MAJIN: variants seen among roughly 807,000 people sequenced by gnomAD.
The protein encoded by MAJIN is membrane-anchored junction protein.
MAJIN carries 27 observed loss-of-function variants against 30.2 expected under a neutral mutation model. The ratio of observed to expected loss-of-function variants is 0.89; its 90% CI spans 0.66 to 1.23. The LOEUF (loss-of-function observed/expected upper bound fraction) is 1.23, where lower values mean the gene tolerates loss of function less well. MAJIN is among the 50% of genes most tolerant of loss of function. MAJIN has a pLI of 0.00. For synonymous variants in MAJIN, 78 were observed against 91.6 expected, an observed-to-expected ratio of 0.85 and a Z score of 0.85; for missense variants, 253 against 260.3, an observed-to-expected ratio of 0.97 and a Z score of 0.19.
intron 1 of MAJIN, among the ~76,000 whole-genome samples, chr11:64,965,314 G>C (rs928612638): frequency 6.6e-6 from 1 of 152,102 alleles, no homozygotes; most frequent in Non-Finnish European, 1.5e-5. Flanking sequence ...ACCTTGTTTG[G>C]GGGTAGGGGG....
intron 7 of MAJIN, 55 bp from the exon 8 acceptor site, chr11:64,947,520 C>G (rs1433870280): frequency 6.5e-7 from 1 of 1,536,202 alleles, no homozygotes; most frequent in African/African-American, 1.4e-5. Flanking sequence ...GCTCACAGTT[C>G]ATGAAGGCAC....
chr11:64,944,422 C>T (rs1484264608), intron 8 of MAJIN, among the ~76,000 whole-genome samples: 1 of 152,220 alleles, frequency 6.6e-6, no homozygotes, highest in Non-Finnish European at 1.5e-5. Flanking sequence ...ATCCCTGGTA[C>T]TTGGCACATA....
chr11:64,945,185 G>A lies in MAJIN; in HGVS notation c.473+2189C>T, dbSNP rs1042155269. On this transcript the variant is annotated intron_variant, in intron 8 of 10. Transcript: ENST00000301896. ...ATCCTGGCTAACACGGTGAAACCCC[G>A]TCTCTACTAAAAAATACAAAAAATT... Among the ~76,000 whole-genome samples, 11 of 152,018 alleles carry A rather than the reference G, an allele frequency of 7.2e-5. No homozygotes were observed. In the South Asian group the frequency reaches 1.9e-3, roughly 26 times the overall value.
At position 64,947,833 on chromosome 11, in the gene MAJIN, T is replaced by C; in HGVS notation, c.350-14A>G. On this transcript the variant is annotated splice_polypyrimidine_tract_variant and intron_variant, in intron 6 of 10. Transcript: ENST00000301896. Reference sequence around the variant, plus strand: ...TTATTGGTTTCCCTACAATAGGAAATTTGAGTGTCATAATAGATTTAAGAC... The same window carrying C: ...TTATTGGTTTCCCTACAATAGGAAACTTGAGTGTCATAATAGATTTAAGAC... The C allele has an allele frequency of 3.7e-6, 6 of 1,608,694 alleles. No homozygotes were observed. Among genetic ancestry groups the C allele is most frequent in the Non-Finnish European group, 3.4e-6 (4 of 1,175,564 alleles).
chr11:64,959,551 T>C, intron 2 of MAJIN, 129 bp from the exon 3 acceptor site: 1 of 645,172 alleles, frequency 1.5e-6, no homozygotes, highest in Non-Finnish European at 2.7e-6. Flanking sequence ...ACTGCCTACG[T>C]ACCAGGATCA....
At chr11:64,969,696 C>T (rs1565150846) in intron 1 of MAJIN, among the ~76,000 whole-genome samples, 1 of 145,318 alleles carries the variant, frequency 6.9e-6, no homozygotes, top group Non-Finnish European at 1.5e-5. Flanking sequence ...AAGACTCTGT[C>T]TTTTTTTTTT....
intron 3 of MAJIN, among the ~76,000 whole-genome samples, chr11:64,955,080 G>A (rs1481233938): frequency 6.6e-6 from 1 of 152,046 alleles, no homozygotes; most frequent in Non-Finnish European, 1.5e-5. Flanking sequence ...TGTGCTTTGG[G>A]GACCCTTTCA....
chr11:64,944,395 C>A (rs1945419763), intron 8 of MAJIN, among the ~76,000 whole-genome samples: 1 of 152,230 alleles, frequency 6.6e-6, no homozygotes, highest in Non-Finnish European at 1.5e-5. Context: ...GTCTGCCTAA[C>A]TGTACACTGT....
chr11:64,960,247 A>G (rs1233696113), intron 1 of MAJIN, 112 bp from the exon 2 acceptor site: 1 of 152,232 alleles, frequency 6.6e-6, no homozygotes, highest in African/African-American at 2.4e-5. Flanking sequence ...TATAAAAATT[A>G]CATGGTATTG....
Position 64,959,311 on chromosome 11 carries a change from C to G in MAJIN, c.95G>C (p.Ser32Thr), listed in dbSNP as rs747435219. 6.2e-7 allele frequency: 1 copy of G among 1,611,670 alleles called. No homozygotes were observed. The highest frequency in any genetic ancestry group is 1.1e-5 in the South Asian group (1 of 91,014). ...VYKFKIRYGK[S>T]IRGEEIENKE... ...CTCCTACCTTTGAAATTACCTGATACTCTTCCCATATCTGATTTTGAATTT... is the reference window on the plus strand; with the variant it reads ...CTCCTACCTTTGAAATTACCTGATAGTCTTCCCATATCTGATTTTGAATTT... The change falls in exon 3 of 11, where the codon AGT (serine) becomes ACT (threonine). Residue 32 changes from serine to threonine, a missense_variant. Coordinates refer to ENST00000301896, the MANE Select transcript of MAJIN (RefSeq NM_001037225.3).
At chr11:64,956,645 AAAAC>A (rs1178901455) in intron 3 of MAJIN, among the ~76,000 whole-genome samples, 2 of 152,172 alleles carry the variant, frequency 1.3e-5, no homozygotes, top group African/African-American at 4.8e-5. Context: ...CATTAAAAAA[AAAAC>A]AAACCCAAAC....
intron 8 of MAJIN, among the ~76,000 whole-genome samples, chr11:64,944,897 G>T (rs1050364212): frequency 2.0e-5 from 3 of 152,118 alleles, no homozygotes; most frequent in African/African-American, 7.2e-5. Context: ...AGAATATATA[G>T]AAAAGAAGTC....
In MAJIN at chr11:64,949,727, ACAT is replaced by A; in HGVS notation, c.349+13_349+15del. On this transcript the variant is annotated intron_variant, in intron 6 of 10. Coordinates refer to ENST00000301896, the MANE Select transcript of MAJIN (RefSeq NM_001037225.3). Reference sequence around the variant, plus strand: ...ATTTTCTTCTCTGCCATCCACATTCACATCATTCCACTTACCAGGTGACAGGTT... The same window carrying A: ...ATTTTCTTCTCTGCCATCCACATTCACATTCCACTTACCAGGTGACAGGTT... 6.2e-7 allele frequency: 1 copy of A among 1,611,560 alleles called. No homozygotes were observed. Among genetic ancestry groups the A allele is most frequent in the Non-Finnish European group, 8.5e-7 (1 of 1,179,696 alleles).
At position 64,961,087 on chromosome 11, in the gene MAJIN, C is replaced by T. The variant is rs1019634765; in HGVS notation, c.-64-952G>A. Among the ~76,000 whole-genome samples, 40 of 152,180 alleles carry T rather than the reference C, an allele frequency of 2.6e-4. 1 individual carries two copies. The highest frequency in any genetic ancestry group is 1.2e-3 in the South Asian group (6 of 4,828). On this transcript the variant is annotated intron_variant, in intron 1 of 10. Transcript: ENST00000301896. ...GTGCTAGATGACTCTTCTCAGTAGG[C>T]GGTGAGCCCACCTGGTTAGACTTAC... is the stretch of plus-strand genomic sequence containing the variant.
intron 3 of MAJIN, among the ~76,000 whole-genome samples, chr11:64,956,949 T>C (rs1945645573): frequency 6.6e-6 from 1 of 152,008 alleles, no homozygotes; most frequent in Non-Finnish European, 1.5e-5. Flanking sequence ...ATATTTTTAG[T>C]AGAGATGGGG....
At chr11:64,938,602 G>A in intron 10 of MAJIN, 29 bp from the exon 11 acceptor site, 1 of 1,532,362 alleles carries the variant, frequency 6.5e-7, no homozygotes, top group Non-Finnish European at 8.7e-7. Context: ...AGTAGGCTGA[G>A]ACTCTATGAG....
intron 1 of MAJIN, 101 bp from the exon 2 acceptor site, chr11:64,960,236 G>C (rs1300507569): frequency 6.6e-6 from 1 of 152,174 alleles, no homozygotes; most frequent in East Asian, 1.9e-4. Context: ...ATCAGTACAA[G>C]TATAAAAATT....
rs58123433 is a variant in MAJIN at position 64,965,674 on chromosome 11, C to T, written c.-64-5539G>A. Among the ~76,000 whole-genome samples the T allele has an allele frequency of 1.0e-2, 1,518 of 151,996 alleles. 24 individuals carry two copies. Among genetic ancestry groups the T allele is most frequent in the African/African-American group, 0.033 (1,389 of 41,488 alleles). On this transcript the variant is annotated intron_variant, in intron 1 of 10. Transcript: ENST00000301896. ...CCTGTCCCTTAGAATTCACATCATG[C>T]GGCTGGGCACAGTGGCTCATGCCTG... is the stretch of plus-strand genomic sequence containing the variant.
At position 64,958,879 on chromosome 11, in the gene MAJIN, C is replaced by T. The variant is rs540025991; in HGVS notation, c.101+426G>A. 2.6e-5 allele frequency among the ~76,000 whole-genome samples: 4 copies of T among 152,144 alleles called. No homozygotes were observed. In the East Asian group the frequency reaches 7.7e-4, roughly 29 times the overall value. ...ACCTCAAGTGATCCATCCACCTTGG[C>T]CTCCCAAAGTGCTGGGATTATAGGT... On this transcript the variant is annotated intron_variant, in intron 3 of 10. Coordinates refer to ENST00000301896, the MANE Select transcript of MAJIN (RefSeq NM_001037225.3).
Sources: gnomAD v4.1 joint callset for allele counts (sites outside exome capture counted in the v4.1 genomes callset) on GRCh38, gnomAD v4.1.1 for gene constraint, MANE v1.5 for transcripts, NCBI Gene and HGNC (gene_info 2026-07-23, HGNC 2026-07-21) for gene names.